SNX29: variants seen among roughly 807,000 people sequenced by gnomAD.
The protein encoded by SNX29 is sorting nexin-29.
SNX29 carries 78 observed loss-of-function variants against 102.1 expected under a neutral mutation model. The ratio of observed to expected loss-of-function variants is 0.76; its 90% CI spans 0.64 to 0.92. The LOEUF is 0.92. Among genes scored for constraint, SNX29 ranks in the 40% least tolerant of loss-of-function variants. SNX29 has a pLI of 0.00. For synonymous variants in SNX29, 580 were observed against 414.5 expected, an observed-to-expected ratio of 1.40 and a Z score of -4.85; for missense variants, 1,280 against 1,061.7, an observed-to-expected ratio of 1.21 and a Z score of -2.86.
chr16:12,561,150 G>C lies in SNX29; in HGVS notation c.2319-7356G>C, dbSNP rs568342299. ...AGTCCTGAGGCCCAGGTGTTGCCTA[G>C]GAATGAATTCAAAGGCTATTCAGCC... On this transcript the variant is annotated intron_variant, in intron 20 of 20. Coordinates refer to ENST00000566228, the MANE Select transcript of SNX29 (RefSeq NM_032167.5). The C allele has an allele frequency of 1.3e-5, 3 of 229,602 alleles. No individual in the cohort carries two copies. The East Asian group carries it at 1.9e-4, about 14-fold the overall frequency. 14.2% of individuals were successfully genotyped at this position (229,602 alleles called of 1,614,324 possible).
At chr16:12,099,474 T>G (rs1038948932) in intron 11 of SNX29, among the ~76,000 whole-genome samples, 12 of 152,204 alleles carry the variant, frequency 7.9e-5, no homozygotes, top group African/African-American at 2.9e-4. Context: ...AGGTGACAGC[T>G]GGCAGCTCAG....
intron 16 of SNX29, among the ~76,000 whole-genome samples, chr16:12,381,528 A>AC (rs143928736): frequency 0.25 from 4,847 of 19,368 alleles, 1,215 homozygotes; most frequent in East Asian, 0.35. Context: ...TCATCCACCA[A>AC]CCCCCCATCA....
intron 11 of SNX29, among the ~76,000 whole-genome samples, chr16:12,104,451 G>A (rs1307318133): frequency 2.0e-5 from 3 of 152,162 alleles, no homozygotes; most frequent in East Asian, 3.8e-4. Flanking sequence ...AGCTATACAG[G>A]AGGCTGAGGC....
chr16:12,572,517 G>A lies in SNX29; in HGVS notation c.*3888G>A, dbSNP rs2079209058. ...AGGCCTCGGCCTTCCTGCTCCACGT[G>A]CTCAAGCCCCCACAGGGGGCTGCGA... is the stretch of plus-strand genomic sequence containing the variant. On this transcript the variant is annotated 3_prime_UTR_variant, in exon 21 of 21. Transcript: ENST00000566228. 4.7e-6 allele frequency: 5 copies of A among 1,063,964 alleles called. No individual in the cohort carries two copies. The African/African-American group carries it at 6.6e-5, about 14-fold the overall frequency. The allele number at this position is 1,063,964 out of a possible 1,614,324, so 65.9% of individuals were successfully genotyped here.
intron 13 of SNX29, among the ~76,000 whole-genome samples, chr16:12,187,393 A>G (rs1469366242): frequency 6.6e-6 from 1 of 152,158 alleles, no homozygotes. Flanking sequence ...TGTCTCTACT[A>G]AAAGTACAAA....
chr16:12,212,618 G>A (rs2077216239), intron 14 of SNX29, among the ~76,000 whole-genome samples: 1 of 152,178 alleles, frequency 6.6e-6, no homozygotes, highest in Non-Finnish European at 1.5e-5. Flanking sequence ...ATATATGTTT[G>A]TAGGCCGTTT....
intron 13 of SNX29, among the ~76,000 whole-genome samples, chr16:12,173,050 A>G (rs538038201): frequency 2.0e-5 from 3 of 152,322 alleles, no homozygotes; most frequent in African/African-American, 7.2e-5. Context: ...TCCAAAGAAC[A>G]AAGAGAGGGT....
rs1418003545 is a variant in SNX29 at position 12,348,392 on chromosome 16, TCTTA to T, written c.1783-7764_1783-7761del. ...CCTTTGGCCTTGCATTGGCCGAGGT[TCTTA>T]CTTACTCTAGGTGCCCCTTCCCTTA... On this transcript the variant is annotated intron_variant, in intron 15 of 20. Coordinates refer to ENST00000566228, the MANE Select transcript of SNX29 (RefSeq NM_032167.5). Among the ~76,000 whole-genome samples the T allele has an allele frequency of 8.5e-5, 13 of 152,344 alleles. 1 individual carries two copies. The South Asian group carries it at 1.9e-3, about 22-fold the overall frequency.
At chr16:12,483,117 T>TTTGTTTTTG (rs1567610200) in intron 19 of SNX29, among the ~76,000 whole-genome samples, 9 of 99,056 alleles carry the variant, frequency 9.1e-5, no homozygotes, top group East Asian at 3.6e-4. Flanking sequence ...TTATTAAGTT[T>TTTGTTTTTG]TTTTTTTTTT....
Position 12,398,484 on chromosome 16 carries a change from T to C in SNX29, c.1938T>C (p.Ser646=). The C allele has an allele frequency of 1.9e-6, 3 of 1,613,828 alleles. No individual in the cohort carries two copies. The highest frequency in any genetic ancestry group is 2.5e-6 in the Non-Finnish European group (3 of 1,179,850). The change falls in exon 17 of 21, where the codon AGT becomes AGC. Residue 646 remains serine, a synonymous_variant. Coordinates refer to ENST00000566228, the MANE Select transcript of SNX29 (RefSeq NM_032167.5). ...GDLSQTSEDQ[S]LSDFEISNRA... is the part of the protein sequence containing the mutation. ...TGAGTCAAACGTCCGAAGACCAGAGTTTGTCGGATTTTGAAATGTAAGTCC... is the reference window on the plus strand; with the variant it reads ...TGAGTCAAACGTCCGAAGACCAGAGCTTGTCGGATTTTGAAATGTAAGTCC...
At chr16:12,539,297 C>G (rs746946959) in intron 20 of SNX29, among the ~76,000 whole-genome samples, 3 of 152,026 alleles carry the variant, frequency 2.0e-5, no homozygotes, top group Non-Finnish European at 4.4e-5. Context: ...CACCTCTAAG[C>G]CCTTGTCCCT....
intron 20 of SNX29, chr16:12,526,847 A>G (rs938073353): frequency 2.7e-5 from 11 of 405,410 alleles, no homozygotes; most frequent in African/African-American, 2.2e-4. Context: ...CGCGTGCCGA[A>G]TTGTAAAAAG....
chr16:12,470,221 G>C (rs956620050), intron 18 of SNX29, among the ~76,000 whole-genome samples: 4 of 152,192 alleles, frequency 2.6e-5, no homozygotes, highest in South Asian at 2.1e-4. Context: ...GGATCATTAA[G>C]GAGTTAGTGA....
chr16:12,175,309 T>C (rs1228843832), intron 13 of SNX29, among the ~76,000 whole-genome samples: 2 of 152,080 alleles, frequency 1.3e-5, no homozygotes, highest in African/African-American at 2.4e-5. Flanking sequence ...TATCTGGAGA[T>C]AGGGCTTTTA....
chr16:12,233,495 T>C (rs2077832520), intron 14 of SNX29, among the ~76,000 whole-genome samples: 1 of 152,190 alleles, frequency 6.6e-6, no homozygotes, highest in Admixed American at 6.5e-5. Flanking sequence ...CTATGCTTAC[T>C]GCCTGGGTGA....
At chr16:12,347,250 C>T (rs2081841200) in intron 15 of SNX29, among the ~76,000 whole-genome samples, 2 of 150,726 alleles carry the variant, frequency 1.3e-5, no homozygotes, top group Non-Finnish European at 3.0e-5. Flanking sequence ...GGATGATCTG[C>T]CCCACAGGTC....
intron 18 of SNX29, among the ~76,000 whole-genome samples, chr16:12,468,585 G>A (rs1485997581): frequency 6.6e-6 from 1 of 152,042 alleles, no homozygotes; most frequent in Admixed American, 6.5e-5. Context: ...CCCTTTGAAA[G>A]CCTGTGTTTC....
At chr16:12,065,719 C>T (rs2051003138) in intron 9 of SNX29, among the ~76,000 whole-genome samples, 1 of 152,078 alleles carries the variant, frequency 6.6e-6, no homozygotes, top group Admixed American at 6.6e-5. Context: ...GTTGTGCTTC[C>T]CAGTCAGCTT....
intron 11 of SNX29, among the ~76,000 whole-genome samples, chr16:12,120,413 T>A (rs1019642486): frequency 6.6e-6 from 1 of 152,188 alleles, no homozygotes; most frequent in Admixed American, 6.5e-5. Flanking sequence ...TGTGAGAGAG[T>A]GTGTGTGCGC....
Sources: allele counts gnomAD v4.1 joint callset (sites outside exome capture counted in the v4.1 genomes callset), GRCh38; gene constraint gnomAD v4.1.1; transcripts MANE v1.5; gene names NCBI Gene and HGNC (gene_info 2026-07-23, HGNC 2026-07-21).